SPMAP2L: variants seen among roughly 807,000 people sequenced by gnomAD.
SPMAP2L encodes sperm microtubule associated protein 2-like.
the SPMAP2L span, chr4:56,584,599 T>A: frequency 2.0e-6 from 3 of 1,534,806 alleles, no homozygotes; most frequent in South Asian, 3.6e-5. Context: ...CAAACTATCA[T>A]CCTTCAAAAA....
At chr4:56,599,607 T>C in the SPMAP2L span, among the ~76,000 whole-genome samples, 2 of 152,186 alleles carry the variant, frequency 1.3e-5, no homozygotes, top group African/African-American at 4.8e-5. Flanking sequence ...TCTGTGTCCA[T>C]GCATTCTCAT....
the SPMAP2L span, among the ~76,000 whole-genome samples, chr4:56,568,572 A>G: frequency 7.3e-3 from 1,107 of 152,308 alleles, 18 homozygotes; most frequent in African/African-American, 0.025. Context: ...GCTTATGCCT[A>G]TAATCCCACT....
At chr4:56,562,771 T>A in the SPMAP2L span, among the ~76,000 whole-genome samples, 1 of 129,254 alleles carries the variant, frequency 7.7e-6, no homozygotes, top group African/African-American at 2.9e-5. Flanking sequence ...AACTATTTTG[T>A]CATATTTTCT....
At chr4:56,574,412 G>A in the SPMAP2L span, among the ~76,000 whole-genome samples, 8 of 151,900 alleles carry the variant, frequency 5.3e-5, no homozygotes, top group South Asian at 1.7e-3. Flanking sequence ...GAGCAAGATC[G>A]TGCTTCTAAA....
At chr4:56,593,934 G>T in the SPMAP2L span, 1 of 1,608,356 alleles carries the variant, frequency 6.2e-7, no homozygotes, top group South Asian at 1.1e-5. Flanking sequence ...AAGCGAGCAG[G>T]GCATCAACTC....
At chr4:56,593,814 C>T in the SPMAP2L span, 1 of 1,607,890 alleles carries the variant, frequency 6.2e-7, no homozygotes, top group Non-Finnish European at 8.5e-7. Flanking sequence ...ACAGCTCAGG[C>T]CCTCTTGGCG....
chr4:56,559,552 T>A, the SPMAP2L span: 2 of 1,454,492 alleles, frequency 1.4e-6, no homozygotes, highest in Non-Finnish European at 1.8e-6. Context: ...TGTTACTTTA[T>A]CAGGAGGTTT....
chr4:56,560,148 G>T, the SPMAP2L span, among the ~76,000 whole-genome samples: 2 of 152,260 alleles, frequency 1.3e-5, no homozygotes, highest in South Asian at 2.1e-4. Flanking sequence ...TATCTTTGAA[G>T]AATTCTACAG....
At chr4:56,581,245 A>C in the SPMAP2L span, among the ~76,000 whole-genome samples, 176 of 152,238 alleles carry the variant, frequency 1.2e-3, 1 homozygote, top group African/African-American at 3.7e-3. Context: ...ACCTGAAGTC[A>C]GGAGTTCGAG....
the SPMAP2L span, among the ~76,000 whole-genome samples, chr4:56,588,849 C>A: frequency 6.6e-6 from 1 of 152,156 alleles, no homozygotes; most frequent in Non-Finnish European, 1.5e-5. Flanking sequence ...TGTGGCTAGC[C>A]AATTATCCCA....
the SPMAP2L span, chr4:56,594,166 G>A: frequency 6.2e-7 from 1 of 1,612,552 alleles, no homozygotes; most frequent in African/African-American, 1.3e-5. Flanking sequence ...GCATGGGAGA[G>A]GAGTGCAGAG....
the SPMAP2L span, chr4:56,559,572 G>T: frequency 7.1e-7 from 1 of 1,412,926 alleles, no homozygotes; most frequent in Non-Finnish European, 9.2e-7. Context: ...TTTTGTTGTT[G>T]TTTTTTGCTT....
the SPMAP2L span, among the ~76,000 whole-genome samples, chr4:56,549,247 A>C: frequency 6.6e-6 from 1 of 152,190 alleles, no homozygotes; most frequent in Non-Finnish European, 1.5e-5. Flanking sequence ...TCTGCCTCCC[A>C]AAGTGCTGGG....
At chr4:56,547,835 C>CA in the SPMAP2L span, among the ~76,000 whole-genome samples, 5 of 151,612 alleles carry the variant, frequency 3.3e-5, no homozygotes, top group East Asian at 1.9e-4. Flanking sequence ...CACATTAAAA[C>CA]AAAAAAACAA....
the SPMAP2L span, among the ~76,000 whole-genome samples, chr4:56,544,006 G>T: frequency 1.7e-5 from 2 of 118,764 alleles, no homozygotes; most frequent in Non-Finnish European, 3.5e-5. Flanking sequence ...GAGAGAGAGA[G>T]ATGGAGTCTC....
chr4:56,584,186 C>G, the SPMAP2L span, among the ~76,000 whole-genome samples: 3 of 152,088 alleles, frequency 2.0e-5, no homozygotes, highest in African/African-American at 7.2e-5. Context: ...TGGCTGGTCT[C>G]AAACTCTAGG....
At chr4:56,565,150 G>A in the SPMAP2L span, among the ~76,000 whole-genome samples, 4 of 152,190 alleles carry the variant, frequency 2.6e-5, no homozygotes, top group Non-Finnish European at 5.9e-5. Flanking sequence ...AATGGGTAAA[G>A]TGTTCTATAA....
chr4:56,547,661 G>C, the SPMAP2L span, among the ~76,000 whole-genome samples: 4 of 152,138 alleles, frequency 2.6e-5, no homozygotes, highest in Non-Finnish European at 4.4e-5. Flanking sequence ...ACAAAACTGA[G>C]GTTTGAGCCA....
chr4:56,595,369 G>T, the SPMAP2L span: 1 of 1,604,898 alleles, frequency 6.2e-7, no homozygotes, highest in Non-Finnish European at 8.5e-7. Context: ...GACCCTCATG[G>T]TTGAGCCCAC....
Sources: allele counts gnomAD v4.1 joint callset (sites outside exome capture counted in the v4.1 genomes callset), GRCh38; gene constraint gnomAD v4.1.1; transcripts MANE v1.5; gene names NCBI Gene and HGNC (gene_info 2026-07-23, HGNC 2026-07-21).